ZBTB7C: variants seen among roughly 807,000 people sequenced by gnomAD.
ZBTB7C encodes zinc finger and BTB domain-containing protein 7C.
ZBTB7C carries 8 observed loss-of-function variants against 25.7 expected under a neutral mutation model. The observed-to-expected ratio is 0.31, with a 90% CI of 0.18 to 0.56. ZBTB7C has a LOEUF of 0.56. Ranked by LOEUF, ZBTB7C falls within the 20% of genes least tolerant of loss-of-function variation. The probability of loss-of-function intolerance (pLI) is 0.91; values close to 1 mark genes in which losing one functional copy is unlikely to be tolerated. For missense variants in ZBTB7C, 824 were observed against 855.2 expected, an observed-to-expected ratio of 0.96 and a Z score of 0.46; for synonymous variants, 394 against 369.0, an observed-to-expected ratio of 1.07 and a Z score of -0.78.
rs34563418 is a variant in ZBTB7C at position 48,402,264 on chromosome 18, T to TAAA, written c.-304+6959_-304+6961dup. On this transcript the variant is annotated intron_variant, in intron 1 of 4. Coordinates refer to ENST00000590800, the MANE Select transcript of ZBTB7C (RefSeq NM_001318841.2). ...TTCCTCCTGCTCTCTTATTTTTAGG[T>TAAA]AAAAAAAAAAAAAAAGGTTACTTAA... Among the ~76,000 whole-genome samples the TAAA allele has an allele frequency of 1.4e-3, 183 of 131,368 alleles. 1 individual carries two copies. Among genetic ancestry groups the TAAA allele is most frequent in the African/African-American group, 4.9e-3 (176 of 35,712 alleles). The allele number at this position is 131,368 out of a possible 152,430, so 86.2% of individuals were successfully genotyped here. A position where few individuals can be genotyped will look rare whatever the true frequency, so the allele number is the denominator to read the frequency against.
At chr18:48,134,165 T>C (rs1249010587) in intron 3 of ZBTB7C, among the ~76,000 whole-genome samples, 1 of 151,308 alleles carries the variant, frequency 6.6e-6, no homozygotes, top group African/African-American at 2.4e-5. Context: ...GTAACAATTC[T>C]GGGGAAAGAA....
At chr18:48,290,857 G>A (rs2045207490) in intron 2 of ZBTB7C, among the ~76,000 whole-genome samples, 1 of 152,242 alleles carries the variant, frequency 6.6e-6, no homozygotes, top group Non-Finnish European at 1.5e-5. Flanking sequence ...CCACATAGGT[G>A]TTATGTGCTG....
At chr18:48,124,465 AT>A (rs1277830640) in intron 3 of ZBTB7C, among the ~76,000 whole-genome samples, 1 of 152,152 alleles carries the variant, frequency 6.6e-6, no homozygotes, top group Non-Finnish European at 1.5e-5. Context: ...CTACTCAGTT[AT>A]TGTTTATCGT....
intron 2 of ZBTB7C, among the ~76,000 whole-genome samples, chr18:48,332,759 C>T (rs1056864889): frequency 6.6e-6 from 1 of 151,092 alleles, no homozygotes; most frequent in Middle Eastern, 3.4e-3. Flanking sequence ...TCCAGGCCAG[C>T]CCCTACCAGT....
At chr18:48,372,909 A>G (rs1278439469) in intron 1 of ZBTB7C, among the ~76,000 whole-genome samples, 4 of 152,058 alleles carry the variant, frequency 2.6e-5, no homozygotes, top group Non-Finnish European at 4.4e-5. Flanking sequence ...CTCAATACCC[A>G]GCTTACATGT....
intron 3 of ZBTB7C, among the ~76,000 whole-genome samples, chr18:48,178,727 G>A (rs1400508614): frequency 6.6e-6 from 1 of 152,330 alleles, no homozygotes; most frequent in Admixed American, 6.5e-5. Flanking sequence ...CTACTTGAAA[G>A]TAAAGACGAA....
intron 2 of ZBTB7C, among the ~76,000 whole-genome samples, chr18:48,195,779 C>A (rs1319061937): frequency 1.3e-5 from 2 of 152,176 alleles, no homozygotes; most frequent in Admixed American, 6.5e-5. Flanking sequence ...CCTAACTCAA[C>A]AGCATTTTTA....
intron 2 of ZBTB7C, among the ~76,000 whole-genome samples, chr18:48,196,729 A>C (rs1397340528): frequency 1.3e-5 from 2 of 152,098 alleles, no homozygotes; most frequent in Non-Finnish European, 2.9e-5. Context: ...CATATAGCAA[A>C]AGTCAATATT....
intron 2 of ZBTB7C, among the ~76,000 whole-genome samples, chr18:48,289,727 C>T (rs572513830): frequency 2.6e-5 from 4 of 152,174 alleles, no homozygotes; most frequent in African/African-American, 9.6e-5. Flanking sequence ...GCACATACAA[C>T]CACACACAGA....
Position 48,353,999 on chromosome 18 carries a change from A to G in ZBTB7C, c.-303-15601T>C, listed in dbSNP as rs137857164. Among the ~76,000 whole-genome samples, 1,213 of 152,258 alleles carry G rather than the reference A, an allele frequency of 8.0e-3. 52 individuals are homozygous for G. Among genetic ancestry groups the G allele is most frequent in the Admixed American group, 0.067 (1,028 of 15,288 alleles). Reference sequence around the variant, plus strand: ...AGGTTGCCATATTTTCCTTACTTCAATGAATTATGTGGAACAAAATACACT... The same window carrying G: ...AGGTTGCCATATTTTCCTTACTTCAGTGAATTATGTGGAACAAAATACACT... On this transcript the variant is annotated intron_variant, in intron 1 of 4. Coordinates refer to ENST00000590800, the MANE Select transcript of ZBTB7C (RefSeq NM_001318841.2).
chr18:48,269,795 C>G (rs991872944), intron 2 of ZBTB7C, among the ~76,000 whole-genome samples: 4 of 152,288 alleles, frequency 2.6e-5, no homozygotes, highest in South Asian at 2.1e-4. Context: ...GCAAATGGTT[C>G]TGACAATGTT....
chr18:48,113,004 C>A (rs1167789771), intron 3 of ZBTB7C, among the ~76,000 whole-genome samples: 1 of 152,164 alleles, frequency 6.6e-6, no homozygotes, highest in Admixed American at 6.5e-5. Context: ...CAACACCAGG[C>A]CCAACACATA....
intron 2 of ZBTB7C, among the ~76,000 whole-genome samples, chr18:48,218,456 C>A (rs2042876877): frequency 6.6e-6 from 1 of 152,232 alleles, no homozygotes. Flanking sequence ...CTTCTATACA[C>A]ACTTGTGCAA....
At chr18:48,145,917 G>A (rs1490943481) in intron 3 of ZBTB7C, among the ~76,000 whole-genome samples, 2 of 152,194 alleles carry the variant, frequency 1.3e-5, no homozygotes, top group African/African-American at 4.8e-5. Flanking sequence ...TCAAGTTCAT[G>A]TGATTTAGGT....
At chr18:48,347,560 G>T (rs2046770629) in intron 1 of ZBTB7C, among the ~76,000 whole-genome samples, 1 of 152,056 alleles carries the variant, frequency 6.6e-6, no homozygotes, top group African/African-American at 2.4e-5. Context: ...TCACCCTGCT[G>T]CCTCTGCCTT....
intron 1 of ZBTB7C, among the ~76,000 whole-genome samples, chr18:48,406,677 C>T (rs1329769500): frequency 6.6e-6 from 1 of 152,154 alleles, no homozygotes; most frequent in East Asian, 1.9e-4. Context: ...AGAATTATAC[C>T]CGGCAACTCT....
At chr18:48,406,449 C>T (rs997858718) in intron 1 of ZBTB7C, among the ~76,000 whole-genome samples, 5 of 152,178 alleles carry the variant, frequency 3.3e-5, no homozygotes, top group African/African-American at 4.8e-5. Flanking sequence ...ATACTCTCCC[C>T]GTCTCTCTGC....
chr18:48,124,025 G>A (rs1305644376), intron 3 of ZBTB7C, among the ~76,000 whole-genome samples: 1 of 152,150 alleles, frequency 6.6e-6, no homozygotes, highest in East Asian at 1.9e-4. Context: ...GCCAATTAAG[G>A]CAAAGCTCTC....
intron 3 of ZBTB7C, among the ~76,000 whole-genome samples, chr18:48,065,158 C>T (rs1022582190): frequency 6.6e-6 from 1 of 152,028 alleles, no homozygotes; most frequent in African/African-American, 2.4e-5. Flanking sequence ...GCGCACACAG[C>T]GCTAGGCCCA....
Sources: gnomAD v4.1 joint callset for allele counts (sites outside exome capture counted in the v4.1 genomes callset) on GRCh38, gnomAD v4.1.1 for gene constraint, MANE v1.5 for transcripts, NCBI Gene and HGNC (gene_info 2026-07-23, HGNC 2026-07-21) for gene names.